SLC4A1AP: variants seen among roughly 807,000 people sequenced by gnomAD.
The protein encoded by SLC4A1AP is kanadaptin.
Under a neutral mutation model 89.7 loss-of-function variants are expected in SLC4A1AP, and 64 were observed. The ratio of observed to expected loss-of-function variants is 0.71; its 90% confidence interval spans 0.58 to 0.88. The LOEUF (loss-of-function observed/expected upper bound fraction) is 0.88, where lower values mean the gene tolerates loss of function less well. SLC4A1AP is among the 40% of genes least tolerant of loss of function. The pLI is 0.00. For synonymous variants in SLC4A1AP, 366 were observed against 353.3 expected (o/e 1.04, Z -0.40); for missense variants, 931 against 965.0 (o/e 0.96, Z 0.47).
exon 1 of SLC4A1AP, chr2:27,663,908 G>A (rs147497764): frequency 3.1e-6 from 5 of 1,614,162 alleles, no homozygotes; most frequent in Admixed American, 1.7e-5. Context: ...AGTTGCACCG[G>A]TTGAGGATGG....
Position 27,670,582 on chromosome 2 carries a change from C to T in SLC4A1AP, c.1345+1195C>T, listed in dbSNP as rs996239364. Among the ~76,000 whole-genome samples, 28 of 151,944 alleles carry T rather than the reference C, an allele frequency of 1.8e-4. No homozygotes were observed. The South Asian group carries it at 3.5e-3, about 19-fold the overall frequency. Reference sequence around the variant, plus strand: ...AAAACACCTGTATTTCTTGGCCGGGCGCGGTTGCTCACGCCTGTAATCCCA... The same window carrying T: ...AAAACACCTGTATTTCTTGGCCGGGTGCGGTTGCTCACGCCTGTAATCCCA... On this transcript the variant is annotated intron_variant, in intron 5 of 13. Transcript: ENST00000613058.
intron 5 of SLC4A1AP, among the ~76,000 whole-genome samples, chr2:27,671,868 G>A (rs1243329321): frequency 6.6e-6 from 1 of 152,164 alleles, no homozygotes; most frequent in Non-Finnish European, 1.5e-5. Context: ...GAGAAAGAGT[G>A]TATAGGAAAT....
chr2:27,693,896 A>T, intron 13 of SLC4A1AP, 142 bp downstream of exon 13: 1 of 522,932 alleles, frequency 1.9e-6, no homozygotes, highest in South Asian at 5.2e-5. Context: ...CCTTATTCAA[A>T]CAAACAACTG....
intron 8 of SLC4A1AP, 36 bp from the exon 9 acceptor site, chr2:27,682,212 C>G (rs771229099): frequency 9.9e-6 from 14 of 1,414,216 alleles, no homozygotes; most frequent in Non-Finnish European, 1.4e-5. Context: ...TTGGGACTCC[C>G]TGGAATAGAT....
chr2:27,671,438 C>G (rs967927319), intron 5 of SLC4A1AP, among the ~76,000 whole-genome samples: 5 of 151,984 alleles, frequency 3.3e-5, no homozygotes, highest in Admixed American at 3.3e-4. Context: ...TTTTGTATTT[C>G]TTGCTCATTC....
At chr2:27,677,995 A>C in intron 8 of SLC4A1AP, 71 bp downstream of exon 8, 1 of 986,186 alleles carries the variant, frequency 1.0e-6, no homozygotes, top group South Asian at 1.8e-5. Flanking sequence ...TTATCGCTTT[A>C]TCTTCTTAAA....
intron 8 of SLC4A1AP, among the ~76,000 whole-genome samples, 180 bp downstream of exon 8, chr2:27,678,104 A>C (rs1311049090): frequency 6.6e-6 from 1 of 152,240 alleles, no homozygotes; most frequent in African/African-American, 2.4e-5. Context: ...TATTTGTGAA[A>C]TATAGACTGA....
intron 12 of SLC4A1AP, among the ~76,000 whole-genome samples, chr2:27,689,818 C>T (rs1229647416): frequency 6.6e-6 from 1 of 152,184 alleles, no homozygotes; most frequent in Non-Finnish European, 1.5e-5. Context: ...AAGGGCAAAC[C>T]TTGCAAATAG....
intron 10 of SLC4A1AP, 44 bp from the exon 11 acceptor site, chr2:27,687,890 A>G (rs1448072868): frequency 3.4e-6 from 5 of 1,481,756 alleles, no homozygotes; most frequent in Middle Eastern, 1.7e-4. Flanking sequence ...GCTTTCCACC[A>G]TGAATTAAAT....
intron 12 of SLC4A1AP, 72 bp downstream of exon 12, chr2:27,688,839 T>C: frequency 8.8e-7 from 1 of 1,140,172 alleles, no homozygotes; most frequent in Non-Finnish European, 1.3e-6. Flanking sequence ...AAGTGAATCT[T>C]TGGAGACTGA....
chr2:27,665,007 T>C lies in SLC4A1AP; in HGVS notation c.826-93T>C. 4.3e-6 allele frequency: 4 copies of C among 931,172 alleles called. 1 individual carries two copies. The highest frequency in any genetic ancestry group is 3.3e-5 in the South Asian group (2 of 60,032). 57.7% of individuals were successfully genotyped at this position (931,172 alleles called of 1,614,324 possible). ...AGGAGGTCAAGGCTGCAGTGAGGTG[T>C]ATTACAGCCACTGCACTCCAGTCCA... On this transcript the variant is annotated intron_variant, in intron 1 of 13. Transcript: ENST00000613058.
At chr2:27,678,060 A>G in intron 8 of SLC4A1AP, 136 bp downstream of exon 8, 3 of 579,222 alleles carry the variant, frequency 5.2e-6, no homozygotes, top group East Asian at 6.6e-5. Context: ...CACAGAAAGC[A>G]GTGGTTTCAT....
exon 4 of SLC4A1AP, chr2:27,668,849 A>G (rs779816823): frequency 3.1e-6 from 5 of 1,614,000 alleles, no homozygotes; most frequent in Non-Finnish European, 4.2e-6. Flanking sequence ...ACAGGAGAAG[A>G]ATTAGAATAT....
intron 5 of SLC4A1AP, among the ~76,000 whole-genome samples, chr2:27,671,625 T>G (rs1416527193): frequency 6.6e-6 from 1 of 152,206 alleles, no homozygotes; most frequent in Non-Finnish European, 1.5e-5. Flanking sequence ...CTATCATCCT[T>G]AAGATTTCTT....
intron 5 of SLC4A1AP, among the ~76,000 whole-genome samples, chr2:27,672,978 C>A (rs1007701509): frequency 2.0e-5 from 3 of 152,128 alleles, no homozygotes; most frequent in Non-Finnish European, 4.4e-5. Flanking sequence ...AGTGCCCATG[C>A]CTTCAACTTT....
chr2:27,671,741 T>C (rs1234949096), intron 5 of SLC4A1AP, among the ~76,000 whole-genome samples: 1 of 152,224 alleles, frequency 6.6e-6, no homozygotes, highest in African/African-American at 2.4e-5. Flanking sequence ...TTTTAGCAGA[T>C]TAAAAAGCTG....
chr2:27,690,818 A>G (rs1481109086), intron 12 of SLC4A1AP, among the ~76,000 whole-genome samples: 1 of 152,156 alleles, frequency 6.6e-6, no homozygotes, highest in Non-Finnish European at 1.5e-5. Context: ...GCTGTGATGT[A>G]TCATATTTAT....
chr2:27,682,309 G>A (rs1158412351), exon 9 of SLC4A1AP: 2 of 1,613,866 alleles, frequency 1.2e-6, no homozygotes, highest in Non-Finnish European at 1.7e-6. Flanking sequence ...GCCTCTATTT[G>A]GTGCCATGAA....
intron 8 of SLC4A1AP, among the ~76,000 whole-genome samples, chr2:27,679,002 G>C (rs1315986006): frequency 1.3e-5 from 2 of 152,084 alleles, no homozygotes; most frequent in African/African-American, 4.8e-5. Context: ...ACAGGTGTGA[G>C]CCACCACACC....
Sources: allele counts gnomAD v4.1 joint callset (sites outside exome capture counted in the v4.1 genomes callset), GRCh38; gene constraint gnomAD v4.1.1; transcripts MANE v1.5; gene names NCBI Gene and HGNC (gene_info 2026-07-23, HGNC 2026-07-21).